The following UBAP2 variants were observed in gnomAD, a reference collection of about 807,000 sequenced individuals.
UBAP2 encodes ubiquitin-associated protein 2.
Under a neutral mutation model 139.6 loss-of-function variants are expected in UBAP2, and 75 were observed. The ratio of observed to expected loss-of-function variants is 0.54; its 90% CI spans 0.45 to 0.65. The LOEUF (loss-of-function observed/expected upper bound fraction) is 0.65, where lower values mean the gene tolerates loss of function less well. Ranked by LOEUF, UBAP2 falls within the 30% of genes least tolerant of loss-of-function variation. The pLI is 0.00. For missense variants in UBAP2, 1,368 were observed against 1,369.6 expected, an observed-to-expected ratio of 1.00 and a Z score of 0.02; for synonymous variants, 526 against 526.2, an observed-to-expected ratio of 1.00 and a Z score of 0.01.
At chr9:33,989,960 T>C (rs1037478328) in intron 4 of UBAP2, among the ~76,000 whole-genome samples, 1 of 152,156 alleles carries the variant, frequency 6.6e-6, no homozygotes, top group African/African-American at 2.4e-5. Context: ...ACCTAAATTT[T>C]TAACCTCCAA....
intron 6 of UBAP2, among the ~76,000 whole-genome samples, chr9:33,980,372 A>G (rs1320311281): frequency 6.7e-6 from 1 of 149,094 alleles, no homozygotes; most frequent in African/African-American, 2.5e-5. Context: ...AGCTGGGACT[A>G]CAGGCGCCCG....
In UBAP2 at chr9:33,923,267, C is replaced by T. The variant is rs779941549; in HGVS notation, c.2923G>A (p.Ala975Thr). The T allele has an allele frequency of 6.2e-7, 1 of 1,614,222 alleles. No homozygotes were observed. The highest frequency in any genetic ancestry group is 1.1e-5 in the South Asian group (1 of 91,086). ...TGYDDLTQGT[A>T]AGDYSKGGYA... Reference sequence around the variant, plus strand: ...CCACCTTTGGAGTAGTCTCCTGCTGCTGTCCCCTGGGTCAGGTCGTCATAA... The same window carrying T: ...CCACCTTTGGAGTAGTCTCCTGCTGTTGTCCCCTGGGTCAGGTCGTCATAA... Residue 975 changes from alanine (A) to threonine (T), a missense_variant, in exon 26 of 29, where the codon GCA (alanine) becomes ACA (threonine). Physicochemically the swap from Ala to Thr is moderately conservative, Grantham distance 58. Coordinates refer to ENST00000379238, the MANE Select transcript of UBAP2 (RefSeq NM_001370062.2).
intron 22 of UBAP2, 141 bp downstream of exon 22, chr9:33,926,476 C>T: frequency 1.1e-6 from 1 of 896,438 alleles, no homozygotes; most frequent in Non-Finnish European, 1.8e-6. Flanking sequence ...CAGATGAAAA[C>T]AGCTTTCTCA....
At chr9:34,038,466 G>C (rs1486974056) in intron 1 of UBAP2, among the ~76,000 whole-genome samples, 3 of 152,166 alleles carry the variant, frequency 2.0e-5, no homozygotes. Flanking sequence ...TATTTTTTTG[G>C]TGGAGACGGG....
chr9:33,922,479 C>T lies in UBAP2; in HGVS notation c.*25G>A, dbSNP rs767712732. 1.2e-6 allele frequency: 2 copies of T among 1,608,730 alleles called. No individual in the cohort carries two copies. The highest frequency in any genetic ancestry group is 1.1e-5 in the South Asian group (1 of 90,156). ...CTCTCCTGCCCAGGATAAGCCTTGCCCCAGCCCACCCCTCTCTTCTGGGTT... is the reference window on the plus strand; with the variant it reads ...CTCTCCTGCCCAGGATAAGCCTTGCTCCAGCCCACCCCTCTCTTCTGGGTT... On this transcript the variant is annotated 3_prime_UTR_variant, in exon 29 of 29. Transcript: ENST00000379238.
intron 19 of UBAP2, 101 bp downstream of exon 19, chr9:33,932,456 CTAGAT>C: frequency 7.5e-7 from 1 of 1,340,178 alleles, no homozygotes; most frequent in Admixed American, 2.0e-5. Context: ...CCAAGCAACT[CTAGAT>C]TATCAGACAC....
At position 33,927,903 on chromosome 9, in the gene UBAP2, G is replaced by C; in HGVS notation, c.2265C>G (p.Gly755=). The change falls in exon 20 of 29, where the codon GGC becomes GGG. Residue 755 remains glycine, a synonymous_variant. Coordinates refer to ENST00000379238, the MANE Select transcript of UBAP2 (RefSeq NM_001370062.2). ...ATSVSSSASS[G]ASLSSSMNTA... The stretch of plus-strand genomic sequence containing the variant: ...TGTTCATGCTACTGGACAGGCTGGC[G>C]CCTGAGGATGCGGAACTTGAGACGG... 1.2e-6 allele frequency: 2 copies of C among 1,614,228 alleles called. No individual in the cohort carries two copies. Among genetic ancestry groups the C allele is most frequent in the African/African-American group, 2.7e-5 (2 of 75,070 alleles).
chr9:33,959,690 TGTGCAA>T (rs1826873408), intron 10 of UBAP2, among the ~76,000 whole-genome samples: 1 of 152,180 alleles, frequency 6.6e-6, no homozygotes. Flanking sequence ...CAAAAATATC[TGTGCAA>T]TAAAGGAATT....
rs536048738 is a variant in UBAP2 at position 34,002,885 on chromosome 9, G to A, written c.100-4021C>T. On this transcript the variant is annotated intron_variant, in intron 2 of 28. Coordinates refer to ENST00000379238, the MANE Select transcript of UBAP2 (RefSeq NM_001370062.2). ...TTGTTTTTAGTACAAACAAGGTTCC[G>A]CCATGTTGCCCAGATTAATATTGAA... Among the ~76,000 whole-genome samples the A allele has an allele frequency of 1.5e-4, 22 of 151,362 alleles. 1 individual carries two copies. Among genetic ancestry groups the A allele is most frequent in the African/African-American group, 5.1e-4 (21 of 41,200 alleles).
At chr9:34,027,791 G>A (rs1825537243) in intron 1 of UBAP2, among the ~76,000 whole-genome samples, 1 of 151,394 alleles carries the variant, frequency 6.6e-6, no homozygotes, top group Admixed American at 6.6e-5. Context: ...AACCTGGGAG[G>A]CAAGAGCTTG....
At chr9:33,988,598 C>A (rs1009207200) in intron 5 of UBAP2, among the ~76,000 whole-genome samples, 1 of 152,136 alleles carries the variant, frequency 6.6e-6, no homozygotes, top group Admixed American at 6.5e-5. Context: ...CCTTCTTTGC[C>A]ACACACACAC....
chr9:33,929,922 T>G (rs1275792652), intron 19 of UBAP2, among the ~76,000 whole-genome samples: 1 of 152,182 alleles, frequency 6.6e-6, no homozygotes, highest in Non-Finnish European at 1.5e-5. Flanking sequence ...GAGAACTGCT[T>G]GAACCTGGGA....
intron 1 of UBAP2, among the ~76,000 whole-genome samples, chr9:34,033,590 T>C (rs77088146): frequency 1.3e-5 from 2 of 151,804 alleles, no homozygotes; most frequent in African/African-American, 4.8e-5. Flanking sequence ...TTTTTTTTTT[T>C]CTCCTGAGAC....
chr9:34,023,886 T>C (rs2131304471), intron 1 of UBAP2, among the ~76,000 whole-genome samples: 1 of 151,676 alleles, frequency 6.6e-6, no homozygotes, highest in African/African-American at 2.4e-5. Context: ...CTACTAAAAA[T>C]ACAAAAAATT....
At chr9:34,038,143 GAAAAAAA>G (rs78650365) in intron 1 of UBAP2, among the ~76,000 whole-genome samples, 146 of 127,178 alleles carry the variant, frequency 1.1e-3, no homozygotes, top group East Asian at 4.0e-3. Context: ...TCCAGCCTGG[GAAAAAAA>G]AAAAAAAAAA....
intron 1 of UBAP2, among the ~76,000 whole-genome samples, chr9:34,044,090 CA>C (rs74180528): frequency 0.59 from 50,106 of 85,030 alleles, 13,896 homozygotes; most frequent in East Asian, 0.74. Flanking sequence ...AACTCCACCT[CA>C]AAAAAAAAAA....
chr9:34,002,396 T>G (rs1476873832), intron 2 of UBAP2, among the ~76,000 whole-genome samples: 6 of 75,446 alleles, frequency 8.0e-5, no homozygotes, highest in South Asian at 9.2e-4. Flanking sequence ...TTTTTTTTTT[T>G]GAGACAGAGT....
At chr9:34,046,225 T>C (rs1029014658) in intron 1 of UBAP2, among the ~76,000 whole-genome samples, 3 of 151,056 alleles carry the variant, frequency 2.0e-5, no homozygotes, top group Non-Finnish European at 4.4e-5. Flanking sequence ...CTTGCTAATA[T>C]ACTTAACCAC....
At chr9:33,990,298 T>A (rs1000780916) in intron 4 of UBAP2, among the ~76,000 whole-genome samples, 2 of 152,176 alleles carry the variant, frequency 1.3e-5, no homozygotes, top group Non-Finnish European at 2.9e-5. Flanking sequence ...TTTGACATTA[T>A]ATATCCAAAG....
Sources: gnomAD v4.1 joint callset for allele counts (sites outside exome capture counted in the v4.1 genomes callset) on GRCh38, gnomAD v4.1.1 for gene constraint, MANE v1.5 for transcripts, NCBI Gene and HGNC (gene_info 2026-07-23, HGNC 2026-07-21) for gene names.